Variants in TRMT10B observed in about 807,000 individuals in gnomAD.
TRMT10B encodes the protein tRNA methyltransferase 10 homolog B.
In TRMT10B, 33 loss-of-function variants were observed where a neutral mutation model predicts 43.8. The ratio of observed to expected loss-of-function variants is 0.75; its 90% CI spans 0.57 to 1.01. TRMT10B has a LOEUF of 1.01. Among genes scored for constraint, TRMT10B ranks in the 50% least tolerant of loss-of-function variants. The probability of loss-of-function intolerance (pLI) is 0.00; values close to 1 mark genes in which losing one functional copy is unlikely to be tolerated. For missense variants in TRMT10B, 362 were observed against 369.8 expected (o/e 0.98, Z 0.17); for synonymous variants, 137 against 130.6 (o/e 1.05, Z -0.34).
chr9:37,765,907 A>C (rs1432755721), intron 4 of TRMT10B, among the ~76,000 whole-genome samples: 1 of 144,422 alleles, frequency 6.9e-6, no homozygotes, highest in East Asian at 2.0e-4. Flanking sequence ...GTCTGTTCAT[A>C]TCCTTTGCCC....
intron 1 of TRMT10B, among the ~76,000 whole-genome samples, chr9:37,758,876 C>T (rs1290053232): frequency 2.6e-5 from 4 of 152,164 alleles, no homozygotes; most frequent in Non-Finnish European, 4.4e-5. Flanking sequence ...CATAGTGACA[C>T]GGAGCCCATA....
chr9:37,757,302 C>T (rs1248459305), intron 1 of TRMT10B, among the ~76,000 whole-genome samples: 1 of 152,066 alleles, frequency 6.6e-6, no homozygotes, highest in East Asian at 1.9e-4. Context: ...TCTTGAACCC[C>T]CAGGCTCAAT....
intron 4 of TRMT10B, chr9:37,767,534 A>AAAAAAAAAAAAAAAAAAAAAAAAAAAAC (rs1347360035): frequency 6.7e-6 from 1 of 148,634 alleles, no homozygotes; most frequent in African/African-American, 2.5e-5. Context: ...AAAAAAAAAA[A>AAAAAAAAAAAAAAAAAAAAAAAAAAAAC]ATCCATATTG....
rs752573195 is a variant in TRMT10B at position 37,762,624 on chromosome 9, AAAG to A, written c.239_241del (p.Lys80del). On this transcript the variant is annotated inframe_deletion, in exon 3 of 9. Coordinates refer to ENST00000297994, the MANE Select transcript of TRMT10B (RefSeq NM_144964.4). ...GACACTGGGAAAAGATAGTTGCAGC[AAAG>A]AAGAGCAAAAGAAAGCAAGAAAAAG... 1 of 1,597,968 alleles carries A rather than the reference AAAG, an allele frequency of 6.3e-7. No homozygotes were observed. The highest frequency in any genetic ancestry group is 1.3e-5 in the African/African-American group (1 of 74,792).
At position 37,777,764 on chromosome 9, in the gene TRMT10B, G is replaced by A. The variant is rs1464443823; in HGVS notation, c.*57G>A. ...GCTCACGCCGTAATGCCAACACTTTGGTAGACCGAAGTGGGCAGATCACCT... is the reference window on the plus strand; with the variant it reads ...GCTCACGCCGTAATGCCAACACTTTAGTAGACCGAAGTGGGCAGATCACCT... On this transcript the variant is annotated 3_prime_UTR_variant, in exon 9 of 9. Coordinates refer to ENST00000297994, the MANE Select transcript of TRMT10B (RefSeq NM_144964.4). 1 of 1,447,974 alleles carries A rather than the reference G, an allele frequency of 6.9e-7. No individual in the cohort carries two copies. The highest frequency in any genetic ancestry group is 9.7e-7 in the Non-Finnish European group (1 of 1,031,816). The allele number at this position is 1,447,974 out of a possible 1,614,324, so 89.7% of individuals were successfully genotyped here. A position where few individuals can be genotyped will look rare whatever the true frequency, so the allele number is the denominator to read the frequency against.
At chr9:37,761,184 T>TA (rs1826287666) in intron 1 of TRMT10B, among the ~76,000 whole-genome samples, 1 of 152,220 alleles carries the variant, frequency 6.6e-6, no homozygotes, top group African/African-American at 2.4e-5. Context: ...GTACCTTACT[T>TA]ACAGTAGGTA....
Position 37,768,227 on chromosome 9 carries a change from T to G in TRMT10B, c.572T>G (p.Leu191Arg). 1 of 1,610,966 alleles carries G rather than the reference T, an allele frequency of 6.2e-7. No individual in the cohort carries two copies. Among genetic ancestry groups the G allele is most frequent in the South Asian group, 1.1e-5 (1 of 90,662 alleles). ...VRMNDGFSSYLLDITEEDCFS... is the reference protein window; with the variant it reads ...VRMNDGFSSYRLDITEEDCFS... ...ATGAATGATGGATTTTCTAGTTACCTGGTAAGTCTCTTTTTGCATATTATT... is the reference window on the plus strand; with the variant it reads ...ATGAATGATGGATTTTCTAGTTACCGGGTAAGTCTCTTTTTGCATATTATT... The change falls in exon 5 of 9, where the codon CTG (leucine) becomes CGG (arginine). Residue 191 changes from leucine (L) to arginine (R), a missense_variant and splice_region_variant. Leu to Arg is a moderately radical substitution (Grantham distance 102). Coordinates refer to ENST00000297994, the MANE Select transcript of TRMT10B (RefSeq NM_144964.4).
intron 5 of TRMT10B, among the ~76,000 whole-genome samples, chr9:37,768,697 A>C (rs1827236427): frequency 6.6e-6 from 1 of 152,224 alleles, no homozygotes; most frequent in African/African-American, 2.4e-5. Flanking sequence ...AATGTCACTG[A>C]AAATGCCCAG....
intron 4 of TRMT10B, among the ~76,000 whole-genome samples, chr9:37,765,897 G>A (rs530666158): frequency 2.1e-4 from 32 of 148,868 alleles, no homozygotes; most frequent in Non-Finnish European, 3.6e-4. Flanking sequence ...TTTGAGAAGT[G>A]TCTGTTCATA....
At chr9:37,772,708 G>T (rs1827719852) in intron 7 of TRMT10B, among the ~76,000 whole-genome samples, 2 of 152,166 alleles carry the variant, frequency 1.3e-5, no homozygotes, top group Admixed American at 6.5e-5. Context: ...GTTCGTCCAG[G>T]CACAGTGGCT....
At chr9:37,760,205 C>A (rs191442189) in intron 1 of TRMT10B, among the ~76,000 whole-genome samples, 2 of 152,302 alleles carry the variant, frequency 1.3e-5, no homozygotes, top group East Asian at 3.9e-4. Flanking sequence ...CGCCTGTAAT[C>A]CCACTACTGG....
In TRMT10B at chr9:37,762,565, G is replaced by A; in HGVS notation, c.187-12G>A. On this transcript the variant is annotated splice_polypyrimidine_tract_variant and intron_variant, in intron 2 of 8. Transcript: ENST00000297994. ...AAGTTCTCAAACAATTTTGTTTTCT[G>A]GATAATATAAGAAAAATGTCCAGAG... The A allele has an allele frequency of 6.4e-7, 1 of 1,572,620 alleles. No individual in the cohort carries two copies. Among genetic ancestry groups the A allele is most frequent in the Non-Finnish European group, 8.6e-7 (1 of 1,158,934 alleles).
intron 2 of TRMT10B, 54 bp downstream of exon 2, chr9:37,762,171 C>A: frequency 1.3e-6 from 2 of 1,537,300 alleles, no homozygotes; most frequent in Non-Finnish European, 8.8e-7. Context: ...TGTCTCAAGA[C>A]ACCCCTGTTT....
At chr9:37,756,753 CAT>C (rs531520395) in intron 1 of TRMT10B, among the ~76,000 whole-genome samples, 2,957 of 150,830 alleles carry the variant, frequency 0.02, 85 homozygotes, top group African/African-American at 0.066. Flanking sequence ...CACACACACA[CAT>C]ATATATATAC....
intron 3 of TRMT10B, among the ~76,000 whole-genome samples, chr9:37,763,364 T>C (rs1313529560): frequency 6.6e-6 from 1 of 152,142 alleles, no homozygotes; most frequent in Non-Finnish European, 1.5e-5. Flanking sequence ...GTGAAGAGAC[T>C]GAGGCTTAGA....
At chr9:37,760,914 A>G (rs1826259370) in intron 1 of TRMT10B, among the ~76,000 whole-genome samples, 1 of 152,224 alleles carries the variant, frequency 6.6e-6, no homozygotes, top group Admixed American at 6.5e-5. Context: ...CATATCGTTC[A>G]GATTTTGAAC....
intron 4 of TRMT10B, chr9:37,767,569 C>G (rs1827128239): frequency 8.1e-6 from 1 of 123,024 alleles, no homozygotes; most frequent in Admixed American, 8.4e-5. Context: ...CAGATTAAAT[C>G]AAACCCAGAG....
chr9:37,761,953 A>T lies in TRMT10B; in HGVS notation c.22A>T (p.Ser8Cys). 6.2e-7 allele frequency: 1 copy of T among 1,613,562 alleles called. No individual in the cohort carries two copies. The highest frequency in any genetic ancestry group is 1.1e-5 in the South Asian group (1 of 91,014). ...GTCCATGGACTGGAAATTGGAAGGG[A>T]GTACTCAGAAAGTAGAGTCACCTGT... MDWKLEG[S>C]TQKVESPVLQ... The change falls in exon 2 of 9, where the codon AGT becomes TGT. Residue 8 changes from serine to cysteine, a missense_variant. Physicochemically the swap from Ser to Cys is moderately radical, Grantham distance 112 (BLOSUM62 -1). Coordinates refer to ENST00000297994, the MANE Select transcript of TRMT10B (RefSeq NM_144964.4).
At chr9:37,760,416 A>G (rs1323537486) in intron 1 of TRMT10B, among the ~76,000 whole-genome samples, 3 of 152,232 alleles carry the variant, frequency 2.0e-5, no homozygotes, top group Non-Finnish European at 2.9e-5. Flanking sequence ...TCCTAGCTAC[A>G]TGGGAGGCTG....
Sources: allele counts gnomAD v4.1 joint callset (sites outside exome capture counted in the v4.1 genomes callset), GRCh38; gene constraint gnomAD v4.1.1; transcripts MANE v1.5; gene names NCBI Gene and HGNC (gene_info 2026-07-23, HGNC 2026-07-21).